The following GALNTL6 variants were observed in gnomAD, a reference collection of about 807,000 sequenced individuals.
The protein encoded by GALNTL6 is polypeptide N-acetylgalactosaminyltransferase-like 6.
Under a neutral mutation model 73.7 loss-of-function variants are expected in GALNTL6, and 46 were observed. The ratio of observed to expected loss-of-function variants is 0.62; its 90% confidence interval spans 0.49 to 0.80. The LOEUF is 0.80. Ranked by LOEUF, GALNTL6 falls within the 30% of genes least tolerant of loss-of-function variation. The pLI is 0.00. For missense variants in GALNTL6, 604 were observed against 755.0 expected (o/e 0.80, Z 2.34); for synonymous variants, 259 against 263.7 (o/e 0.98, Z 0.17).
intron 5 of GALNTL6, among the ~76,000 whole-genome samples, chr4:172,774,410 T>C (rs1738954271): frequency 6.6e-6 from 1 of 152,148 alleles, no homozygotes; most frequent in African/African-American, 2.4e-5. Flanking sequence ...CTGTCCTTTC[T>C]GAAAACAATT....
chr4:172,270,209 G>A (rs1478419315), intron 3 of GALNTL6, among the ~76,000 whole-genome samples: 2 of 151,896 alleles, frequency 1.3e-5, no homozygotes, highest in South Asian at 2.1e-4. Flanking sequence ...GTGTATATGT[G>A]TGTGTGTTAC....
At chr4:172,606,125 C>A (rs1306296187) in intron 5 of GALNTL6, among the ~76,000 whole-genome samples, 2 of 152,012 alleles carry the variant, frequency 1.3e-5, no homozygotes, top group African/African-American at 2.4e-5. Context: ...CTGAGAAAGA[C>A]CAGATTGTGA....
In GALNTL6 at chr4:172,782,961, G is replaced by C. The variant is rs138301319; in HGVS notation, c.554-26400G>C. ...AAAAAATGTCACATGTATTTCCCAG[G>C]ACAAAGCCCAAAATGCACAGTAATT... On this transcript the variant is annotated intron_variant, in intron 5 of 12. Coordinates refer to ENST00000506823, the MANE Select transcript of GALNTL6 (RefSeq NM_001034845.3). 3.2e-3 allele frequency among the ~76,000 whole-genome samples: 482 copies of C among 152,114 alleles called. 2 individuals are homozygous for C. Among genetic ancestry groups the C allele is most frequent in the African/African-American group, 0.011 (470 of 41,500 alleles).
intron 3 of GALNTL6, among the ~76,000 whole-genome samples, chr4:172,235,207 C>CT (rs1737200968): frequency 1.3e-5 from 2 of 151,430 alleles, no homozygotes; most frequent in African/African-American, 4.9e-5. Flanking sequence ...AAATTTGTCA[C>CT]TTTTTTGTTT....
intron 3 of GALNTL6, among the ~76,000 whole-genome samples, chr4:172,231,409 T>A (rs932363863): frequency 1.3e-5 from 2 of 152,212 alleles, no homozygotes; most frequent in Admixed American, 6.5e-5. Context: ...TTATCCCAAA[T>A]TAAGTAAAAT....
intron 2 of GALNTL6, among the ~76,000 whole-genome samples, chr4:171,846,887 CATAATTATATGTAATTATAT>C (rs1735385948): frequency 1.5e-5 from 2 of 137,196 alleles, no homozygotes; most frequent in East Asian, 4.2e-4. Context: ...ATTATATACA[CATAATTATATGTAATTATAT>C]ATACATATAA....
chr4:172,031,527 T>C (rs1741770863), intron 2 of GALNTL6, among the ~76,000 whole-genome samples: 1 of 152,108 alleles, frequency 6.6e-6, no homozygotes, highest in African/African-American at 2.4e-5. Context: ...GCTTTGTGGC[T>C]AGAAAGATGA....
intron 5 of GALNTL6, among the ~76,000 whole-genome samples, chr4:172,468,731 T>C (rs112696849): frequency 1.3e-4 from 20 of 152,254 alleles, no homozygotes; most frequent in African/African-American, 4.8e-4. Flanking sequence ...GAGAGAGACA[T>C]CGAAGCAAGT....
intron 5 of GALNTL6, among the ~76,000 whole-genome samples, chr4:172,767,993 C>A (rs1579455850): frequency 6.6e-6 from 1 of 151,994 alleles, no homozygotes; most frequent in East Asian, 1.9e-4. Context: ...TAACAGACTG[C>A]AAAGAGGTAT....
intron 5 of GALNTL6, among the ~76,000 whole-genome samples, chr4:172,578,543 C>T (rs1005725798): frequency 2.5e-4 from 38 of 152,180 alleles, no homozygotes; most frequent in African/African-American, 8.9e-4. Flanking sequence ...AAATTCATCC[C>T]CTCAGCACTT....
intron 5 of GALNTL6, among the ~76,000 whole-genome samples, chr4:172,740,480 G>T (rs531060912): frequency 1.3e-5 from 2 of 152,200 alleles, no homozygotes; most frequent in Admixed American, 6.5e-5. Flanking sequence ...AGATTTATTG[G>T]TAACCCCCAA....
chr4:172,571,856 C>T (rs1736774057), intron 5 of GALNTL6, among the ~76,000 whole-genome samples: 1 of 152,218 alleles, frequency 6.6e-6, no homozygotes, highest in Non-Finnish European at 1.5e-5. Context: ...TAGTTAGCCT[C>T]AGACACCGTT....
intron 3 of GALNTL6, among the ~76,000 whole-genome samples, chr4:172,274,845 G>A (rs1738774805): frequency 6.6e-6 from 1 of 152,238 alleles, no homozygotes; most frequent in East Asian, 1.9e-4. Flanking sequence ...TCAGATCAAA[G>A]GTTTCAAAAT....
chr4:172,838,041 C>G (rs1161907228), intron 7 of GALNTL6, among the ~76,000 whole-genome samples: 2 of 151,880 alleles, frequency 1.3e-5, no homozygotes, highest in African/African-American at 4.8e-5. Context: ...GCCTCCAAAA[C>G]AGGAACTTAA....
chr4:172,966,502 C>A (rs563546278), intron 10 of GALNTL6, among the ~76,000 whole-genome samples: 4 of 152,140 alleles, frequency 2.6e-5, no homozygotes, highest in African/African-American at 9.6e-5. Context: ...TCAAGCGACT[C>A]TCCTGCCTCA....
chr4:172,477,655 A>G (rs1247273133), intron 5 of GALNTL6, among the ~76,000 whole-genome samples: 1 of 152,236 alleles, frequency 6.6e-6, no homozygotes, highest in East Asian at 1.9e-4. Flanking sequence ...ATCTCAGGGA[A>G]GGTCAAATTC....
At chr4:171,821,234 G>T (rs1214397349) in intron 2 of GALNTL6, among the ~76,000 whole-genome samples, 4 of 151,966 alleles carry the variant, frequency 2.6e-5, no homozygotes, top group Admixed American at 6.6e-5. Context: ...TAGCGACAAG[G>T]TCTCACTATG....
intron 11 of GALNTL6, among the ~76,000 whole-genome samples, chr4:173,011,768 A>G (rs1226639966): frequency 6.6e-6 from 1 of 152,210 alleles, no homozygotes; most frequent in East Asian, 1.9e-4. Flanking sequence ...ATTTCATTGC[A>G]ACTCAGTTTA....
intron 5 of GALNTL6, among the ~76,000 whole-genome samples, chr4:172,682,504 G>A (rs1365158381): frequency 6.6e-6 from 1 of 152,072 alleles, no homozygotes; most frequent in Non-Finnish European, 1.5e-5. Context: ...ATTTGGGATA[G>A]GTTTTTAGAT....
Sources: gnomAD v4.1 joint callset for allele counts (sites outside exome capture counted in the v4.1 genomes callset) on GRCh38, gnomAD v4.1.1 for gene constraint, MANE v1.5 for transcripts, NCBI Gene and HGNC (gene_info 2026-07-23, HGNC 2026-07-21) for gene names.